Variants in EFR3B observed in about 807,000 individuals in gnomAD.
The protein encoded by EFR3B is protein EFR3 homolog B.
EFR3B carries 64 observed loss-of-function variants against 104.7 expected under a neutral mutation model. The observed-to-expected ratio is 0.61, with a 90% CI of 0.50 to 0.75. The LOEUF (loss-of-function observed/expected upper bound fraction) is 0.75. Ranked by LOEUF, EFR3B falls within the 30% of genes least tolerant of loss-of-function variation. EFR3B has a pLI of 0.00. For missense variants in EFR3B, 750 were observed against 1,078.5 expected, an observed-to-expected ratio of 0.70 and a Z score of 4.27; for synonymous variants, 385 against 417.9, an observed-to-expected ratio of 0.92 and a Z score of 0.96.
intron 16 of EFR3B, among the ~76,000 whole-genome samples, chr2:25,141,040 C>CAAAAAAAAAAAAAAAA (rs78559860): frequency 1.3e-5 from 1 of 74,422 alleles, no homozygotes. Flanking sequence ...GACTCCGTCT[C>CAAAAAAAAAAAAAAAA]AAAAAAAAAA....
chr2:25,095,696 A>G (rs1669256974), intron 3 of EFR3B, among the ~76,000 whole-genome samples: 1 of 152,142 alleles, frequency 6.6e-6, no homozygotes, highest in Admixed American at 6.5e-5. Context: ...ACCCTGTCTC[A>G]AAAACAACAA....
chr2:25,139,163 G>T lies in EFR3B; in HGVS notation c.1827G>T (p.Val609=). Reference sequence around the variant, plus strand: ...ACCTCATCAGTCAGCTCACAACAGTGCCTGCCTTCTGCCAGCACATCCATG... The same window carrying T: ...ACCTCATCAGTCAGCTCACAACAGTTCCTGCCTTCTGCCAGCACATCCATG... ...YLNLISQLTT[V]PAFCQHIHEV... is the part of the protein sequence containing the mutation. Residue 609 remains valine, a synonymous_variant, in exon 16 of 23, where the codon GTG becomes GTT. Coordinates refer to ENST00000403714, the MANE Select transcript of EFR3B (RefSeq NM_014971.2). The T allele has an allele frequency of 6.4e-7, 1 of 1,551,580 alleles. No individual in the cohort carries two copies. Among genetic ancestry groups the T allele is most frequent in the African/African-American group, 1.4e-5 (1 of 73,144 alleles).
intron 1 of EFR3B, among the ~76,000 whole-genome samples, chr2:25,067,895 G>A (rs1242082591): frequency 6.6e-6 from 1 of 151,898 alleles, no homozygotes; most frequent in African/African-American, 2.4e-5. Context: ...TGCTCAGGCT[G>A]GTCTCAAACT....
chr2:25,070,017 A>G (rs867545876), intron 1 of EFR3B, among the ~76,000 whole-genome samples: 3 of 152,154 alleles, frequency 2.0e-5, no homozygotes, highest in Non-Finnish European at 2.9e-5. Flanking sequence ...CTTTTGATTC[A>G]TCAGGTCATT....
At chr2:25,078,868 G>A (rs1668708237) in intron 1 of EFR3B, among the ~76,000 whole-genome samples, 1 of 152,170 alleles carries the variant, frequency 6.6e-6, no homozygotes, top group South Asian at 2.1e-4. Flanking sequence ...CTGTGGCGCT[G>A]ACTCTCCTGC....
intron 1 of EFR3B, among the ~76,000 whole-genome samples, chr2:25,056,655 A>G (rs890646880): frequency 1.3e-5 from 2 of 152,026 alleles, no homozygotes; most frequent in African/African-American, 2.4e-5. Flanking sequence ...CATTGCTGTC[A>G]TCCAGCTCCT....
chr2:25,128,917 G>A (rs1390069862), intron 6 of EFR3B, among the ~76,000 whole-genome samples: 1 of 129,692 alleles, frequency 7.7e-6, no homozygotes, highest in Non-Finnish European at 1.6e-5. Context: ...CCGAGATCGC[G>A]CCGCTGCACT....
chr2:25,087,895 CTA>C (rs1467492990), intron 1 of EFR3B, among the ~76,000 whole-genome samples: 1 of 152,148 alleles, frequency 6.6e-6, no homozygotes, highest in Non-Finnish European at 1.5e-5. Flanking sequence ...AGGCTTTTTC[CTA>C]TGTTATCTTC....
At position 25,136,466 on chromosome 2, in the gene EFR3B, G is replaced by T. The variant is rs115028605; in HGVS notation, c.1485-57G>T. 5.8e-4 allele frequency: 822 copies of T among 1,412,852 alleles called. 2 individuals carry two copies. In the African/African-American group the frequency reaches 0.01, roughly 17 times the overall value. The allele number at this position is 1,412,852 out of a possible 1,614,324, so 87.5% of individuals were successfully genotyped here. A position where few individuals can be genotyped will look rare whatever the true frequency, so the allele number is the denominator to read the frequency against. On this transcript the variant is annotated intron_variant, in intron 13 of 22. Coordinates refer to ENST00000403714, the MANE Select transcript of EFR3B (RefSeq NM_014971.2). The surrounding 1 kb of genome is among the most constrained non-coding windows in gnomAD (Gnocchi z 4.0). ...TGGGGATAAAGCTCAGTGACCCCGTGTGAGCTCAGGCTGGCCTCATGCAAG... is the reference window on the plus strand; with the variant it reads ...TGGGGATAAAGCTCAGTGACCCCGTTTGAGCTCAGGCTGGCCTCATGCAAG...
intron 3 of EFR3B, among the ~76,000 whole-genome samples, chr2:25,094,081 G>T (rs1669209416): frequency 6.6e-6 from 1 of 151,954 alleles, no homozygotes; most frequent in African/African-American, 2.4e-5. Flanking sequence ...GAGCCCAGGA[G>T]TTCAAAACCA....
intron 1 of EFR3B, chr2:25,081,097 C>A: frequency 1.4e-6 from 1 of 698,268 alleles, no homozygotes; most frequent in Non-Finnish European, 2.6e-6. Flanking sequence ...ATCCCTATTG[C>A]AAAGTAGTCT....
chr2:25,098,346 A>G (rs1431309785), intron 3 of EFR3B, among the ~76,000 whole-genome samples: 2 of 152,154 alleles, frequency 1.3e-5, no homozygotes, highest in Non-Finnish European at 2.9e-5. Context: ...CTGACCCTGT[A>G]TCTGCCTTTC....
At chr2:25,094,827 T>C (rs1371704168) in intron 3 of EFR3B, among the ~76,000 whole-genome samples, 1 of 152,196 alleles carries the variant, frequency 6.6e-6, no homozygotes, top group African/African-American at 2.4e-5. Context: ...TCTTGCTGTG[T>C]TACCCAGACT....
At chr2:25,125,744 C>T (rs150381075) in intron 5 of EFR3B, among the ~76,000 whole-genome samples, 120 of 152,220 alleles carry the variant, frequency 7.9e-4, no homozygotes, top group Middle Eastern at 6.8e-3. Flanking sequence ...GTCAGCAGAT[C>T]GAGACCATCC....
intron 5 of EFR3B, among the ~76,000 whole-genome samples, chr2:25,123,806 G>A (rs1366765973): frequency 6.6e-5 from 10 of 152,372 alleles, no homozygotes; most frequent in East Asian, 5.8e-4. Context: ...GTGCACACAC[G>A]CACACATGCA....
Position 25,143,900 on chromosome 2 carries a change from G to C in EFR3B, c.2050+38G>C, listed in dbSNP as rs748147085. ...TGCAGGGATGCCCGGGCCTGCCTCT[G>C]TCTTTACTTGGCCAGGTAAGGGCCT... is the stretch of plus-strand genomic sequence containing the variant. On this transcript the variant is annotated intron_variant, in intron 18 of 22. Coordinates refer to ENST00000403714, the MANE Select transcript of EFR3B (RefSeq NM_014971.2). The C allele has an allele frequency of 2.6e-6, 4 of 1,544,512 alleles. No individual in the cohort carries two copies. The South Asian group carries it at 4.8e-5, about 19-fold the overall frequency.
At chr2:25,081,371 A>G (rs954200665) in intron 1 of EFR3B, 11 of 989,638 alleles carry the variant, frequency 1.1e-5, no homozygotes, top group Non-Finnish European at 1.4e-5. Context: ...TGCCAGCAGT[A>G]CTCATAGTTA....
At chr2:25,048,245 C>T (rs1667775431) in intron 1 of EFR3B, among the ~76,000 whole-genome samples, 1 of 151,670 alleles carries the variant, frequency 6.6e-6, no homozygotes. Context: ...ATCTCCTGGC[C>T]TTAAGTGATT....
chr2:25,133,476 A>G (rs1670438774), intron 12 of EFR3B, 42 bp downstream of exon 12: 2 of 1,548,112 alleles, frequency 1.3e-6, no homozygotes, highest in Non-Finnish European at 1.7e-6. Context: ...CCTCTGCAGG[A>G]GACAGCTCCT....
Sources: allele counts gnomAD v4.1 joint callset (sites outside exome capture counted in the v4.1 genomes callset), GRCh38; gene constraint gnomAD v4.1.1; non-coding constraint Gnocchi (gnomAD v3.1); transcripts MANE v1.5; gene names NCBI Gene and HGNC (gene_info 2026-07-23, HGNC 2026-07-21).